The following ASRGL1 variants were observed in gnomAD, a reference collection of about 807,000 sequenced individuals.
ASRGL1 encodes the protein asparaginase and isoaspartyl peptidase 1.
Under a neutral mutation model 22.4 loss-of-function variants are expected in ASRGL1, and 16 were observed. The observed-to-expected ratio is 0.71, with a 90% CI of 0.48 to 1.08. ASRGL1 has a LOEUF of 1.08. ASRGL1 is among the 50% of genes least tolerant of loss of function. ASRGL1 has a pLI of 0.00. For missense variants in ASRGL1, 412 were observed against 410.1 expected (o/e 1.00, Z -0.04); for synonymous variants, 165 against 159.3 (o/e 1.04, Z -0.27).
At chr11:62,372,599 T>C in intron 4 of ASRGL1, 1 of 871,040 alleles carries the variant, frequency 1.1e-6, no homozygotes, top group Non-Finnish European at 2.0e-6. Flanking sequence ...CAAATATGGT[T>C]ATGCGAGACG....
intron 4 of ASRGL1, among the ~76,000 whole-genome samples, chr11:62,369,300 A>T (rs906728947): frequency 1.3e-5 from 2 of 152,118 alleles, no homozygotes; most frequent in African/African-American, 4.8e-5. Flanking sequence ...AACACAGCAC[A>T]TGTCTCTGCG....
At chr11:62,366,624 T>TTTGAATTATTTTTTCCC (rs1205502439) in intron 4 of ASRGL1, among the ~76,000 whole-genome samples, 7 of 151,668 alleles carry the variant, frequency 4.6e-5, no homozygotes, top group African/African-American at 1.7e-4. Context: ...CATTTTTTCC[T>TTTGAATTATTTTTTCCC]TTGAATTATT....
chr11:62,394,537 G>C (rs1292723574), downstream of ASRGL1, among the ~76,000 whole-genome samples: 2 of 151,744 alleles, frequency 1.3e-5, no homozygotes, highest in Non-Finnish European at 2.9e-5. Context: ...ACAGAATCAT[G>C]TTGGGGTTTG....
At chr11:62,388,201 G>A (rs1051852946) in intron 4 of ASRGL1, among the ~76,000 whole-genome samples, 2 of 152,138 alleles carry the variant, frequency 1.3e-5, no homozygotes, top group East Asian at 3.8e-4. Context: ...AATCTCATGG[G>A]ACCACCATCC....
At chr11:62,369,335 A>G (rs1210415550) in intron 4 of ASRGL1, among the ~76,000 whole-genome samples, 1 of 152,178 alleles carries the variant, frequency 6.6e-6, no homozygotes. Context: ...CTAGGGTTAC[A>G]GATTAACAGC....
downstream of ASRGL1, among the ~76,000 whole-genome samples, chr11:62,396,585 C>T (rs935144611): frequency 2.6e-5 from 4 of 152,192 alleles, no homozygotes; most frequent in African/African-American, 7.2e-5. Context: ...AGCTGCTGCT[C>T]CTAGATCTAG....
At chr11:62,353,447 G>A (rs1244854337) in intron 2 of ASRGL1, among the ~76,000 whole-genome samples, 1 of 150,970 alleles carries the variant, frequency 6.6e-6, no homozygotes, top group Non-Finnish European at 1.5e-5. Context: ...TGGCTCAAGT[G>A]ATCCTCTTGC....
Position 62,392,201 on chromosome 11 carries a change from T to G in ASRGL1, c.844T>G (p.Ser282Ala). The change falls in exon 7 of 7, where the codon TCC (serine) becomes GCC (alanine). Residue 282 changes from serine to alanine, a missense_variant. Physicochemically the swap from Ser to Ala is moderately conservative, Grantham distance 99. Transcript: ENST00000415229. ...GDWVAKWTST[S>A]MPWAAAKDGK... is the part of the protein sequence containing the mutation. Reference sequence around the variant, plus strand: ...CTGGGTGGCAAAGTGGACCTCCACCTCCATGCCCTGGGCAGCCGCCAAGGA... The same window carrying G: ...CTGGGTGGCAAAGTGGACCTCCACCGCCATGCCCTGGGCAGCCGCCAAGGA... 1 of 1,614,182 alleles carries G rather than the reference T, an allele frequency of 6.2e-7. No homozygotes were observed. Among genetic ancestry groups the G allele is most frequent in the Non-Finnish European group, 8.5e-7 (1 of 1,180,026 alleles).
At chr11:62,370,040 C>T (rs1946721675) in intron 4 of ASRGL1, among the ~76,000 whole-genome samples, 1 of 152,150 alleles carries the variant, frequency 6.6e-6, no homozygotes, top group African/African-American at 2.4e-5. Flanking sequence ...AATGCAACTC[C>T]TGCCACAGCG....
In ASRGL1 at chr11:62,392,872, C is replaced by T. The variant is rs1947376127; in HGVS notation, c.*588C>T. On this transcript the variant is annotated 3_prime_UTR_variant, in exon 7 of 7. Coordinates refer to ENST00000415229, the MANE Select transcript of ASRGL1 (RefSeq NM_001083926.2). ...TTTTCTAAGAAAGTTCAGCCCTTCT[C>T]TGACTTACCTGGACATTTCTAGATA... is the stretch of plus-strand genomic sequence containing the variant. 6.4e-6 allele frequency: 1 copy of T among 155,328 alleles called. No homozygotes were observed. Among genetic ancestry groups the T allele is most frequent in the Non-Finnish European group, 1.4e-5 (1 of 70,070 alleles). The allele number at this position is 155,328 out of a possible 1,614,324, so 9.6% of individuals were successfully genotyped here.
downstream of ASRGL1, among the ~76,000 whole-genome samples, chr11:62,396,498 G>A (rs762982458): frequency 2.6e-5 from 4 of 152,152 alleles, no homozygotes; most frequent in Admixed American, 6.5e-5. Flanking sequence ...AGTTTCCCCG[G>A]TCTCTTGTCC....
chr11:62,391,629 CA>C lies in ASRGL1; in HGVS notation c.720del (p.Gly241GlufsTer4), dbSNP rs1354221301. ...TAGACTCACCCTGTTCCACATAGAA[CA>C]AGGTACACAGACCACAGGACAAGTA... The part of the protein sequence containing the change: ...LARLTLFHIE[Q>X]GKTVEEAADL... On this transcript the variant is annotated frameshift_variant and splice_region_variant, in exon 6 of 7. Transcript: ENST00000415229. LOFTEE classifies it low-confidence loss of function (END_TRUNC). 1 of 1,606,550 alleles carries C rather than the reference CA, an allele frequency of 6.2e-7. No homozygotes were observed.
At chr11:62,345,441 G>A (rs1945992479) in intron 2 of ASRGL1, among the ~76,000 whole-genome samples, 1 of 151,946 alleles carries the variant, frequency 6.6e-6, no homozygotes, top group African/African-American at 2.4e-5. Flanking sequence ...GCTAATTTTT[G>A]TATTTTTAGG....
intron 4 of ASRGL1, among the ~76,000 whole-genome samples, chr11:62,383,927 A>AGTCCGGGCGCAGTGGCTC (rs1266457681): frequency 6.6e-6 from 1 of 151,338 alleles, no homozygotes; most frequent in Admixed American, 6.6e-5. Context: ...AAAAAAAAAA[A>AGTCCGGGCGCAGTGGCTC]AATCAGTACT....
intron 2 of ASRGL1, among the ~76,000 whole-genome samples, chr11:62,348,054 A>T (rs1946073465): frequency 6.6e-6 from 1 of 152,198 alleles, no homozygotes; most frequent in African/African-American, 2.4e-5. Flanking sequence ...ATCATAAGTG[A>T]TGTAGACATT....
At chr11:62,401,264 G>A in the ASRGL1 span, among the ~76,000 whole-genome samples, 98,645 of 152,122 alleles carry the variant, frequency 0.65, 34,814 homozygotes, top group South Asian at 0.83. Flanking sequence ...ATGTGAGCCC[G>A]TATCATTGCA....
At chr11:62,387,854 T>C (rs1434357873) in intron 4 of ASRGL1, among the ~76,000 whole-genome samples, 1 of 152,228 alleles carries the variant, frequency 6.6e-6, no homozygotes, top group Non-Finnish European at 1.5e-5. Context: ...GCCTCAAATA[T>C]AATTCATTAT....
chr11:62,380,484 T>G (rs932175920), intron 4 of ASRGL1, among the ~76,000 whole-genome samples: 4 of 152,326 alleles, frequency 2.6e-5, no homozygotes, highest in Admixed American at 1.3e-4. Flanking sequence ...GCATTATTGC[T>G]TGTTGATTAG....
chr11:62,392,073 T>G lies in ASRGL1; in HGVS notation c.722-6T>G, dbSNP rs756892991. The G allele has an allele frequency of 5.0e-6, 8 of 1,613,992 alleles. No individual in the cohort carries two copies. The highest frequency in any genetic ancestry group is 6.8e-6 in the Non-Finnish European group (8 of 1,179,836). Reference sequence around the variant, plus strand: ...GTGTTGTTTCTCAACCCTTCCTTGTTTTCAGGAAAGACGGTAGAAGAGGCT... The same window carrying G: ...GTGTTGTTTCTCAACCCTTCCTTGTGTTCAGGAAAGACGGTAGAAGAGGCT... On this transcript the variant is annotated splice_polypyrimidine_tract_variant and splice_region_variant and intron_variant, in intron 6 of 6. Coordinates refer to ENST00000415229, the MANE Select transcript of ASRGL1 (RefSeq NM_001083926.2).
Sources: allele counts gnomAD v4.1 joint callset (sites outside exome capture counted in the v4.1 genomes callset), GRCh38; gene constraint gnomAD v4.1.1; transcripts MANE v1.5; gene names NCBI Gene and HGNC (gene_info 2026-07-23, HGNC 2026-07-21).